Variants in ECPAS observed in about 807,000 individuals in gnomAD.
ECPAS encodes the protein proteasome adapter and scaffold protein ECM29.
A neutral mutation model predicts 255.1 loss-of-function variants in ECPAS; 70 were observed. That is an observed-to-expected ratio of 0.27 (90% CI 0.23 to 0.33). ECPAS has a LOEUF of 0.33. Ranked by LOEUF, ECPAS falls within the 10% of genes least tolerant of loss-of-function variation. ECPAS has a pLI of 1.00. For synonymous variants in ECPAS, 784 were observed against 775.0 expected (o/e 1.01, Z -0.19); for missense variants, 1,817 against 2,206.4 (o/e 0.82, Z 3.54).
intron 18 of ECPAS, 54 bp from the exon 19 acceptor site, chr9:111,414,705 G>C (rs2098200447): frequency 1.4e-6 from 2 of 1,451,892 alleles, no homozygotes; most frequent in East Asian, 4.6e-5. Context: ...AGTCAGTGTG[G>C]GAAGGTACTC....
rs370985027 is a variant in ECPAS at position 111,461,940 on chromosome 9, C to T, written c.23-10385G>A. On this transcript the variant is annotated intron_variant, in intron 2 of 49. Coordinates refer to ENST00000684092, the MANE Select transcript of ECPAS (RefSeq NM_001364929.1). ...ACCATCAGATCTCCTAAGACCCACT[C>T]GCTATCACGAGAACAGCATGGGAAA... Among the ~76,000 whole-genome samples the T allele has an allele frequency of 1.8e-3, 279 of 152,272 alleles. 14 individuals carry two copies. In the South Asian group the frequency reaches 0.056, roughly 31 times the overall value.
chr9:111,468,067 T>C (rs929844930), intron 2 of ECPAS, among the ~76,000 whole-genome samples: 10 of 152,122 alleles, frequency 6.6e-5, no homozygotes, highest in Admixed American at 6.5e-4. Flanking sequence ...ACAGAACTGC[T>C]TGAACCCAGG....
At chr9:111,402,292 T>C (rs1174074733) in intron 24 of ECPAS, among the ~76,000 whole-genome samples, 1 of 152,194 alleles carries the variant, frequency 6.6e-6, no homozygotes, top group African/African-American at 2.4e-5. Flanking sequence ...AAGACTTTCC[T>C]GGGTAAACAA....
chr9:111,393,307 T>C (rs1486427922), intron 27 of ECPAS, among the ~76,000 whole-genome samples: 1 of 152,180 alleles, frequency 6.6e-6, no homozygotes, highest in Non-Finnish European at 1.5e-5. Context: ...TACTGAAAGA[T>C]TTAACACATA....
chr9:111,476,225 C>G (rs1266495246), intron 1 of ECPAS, among the ~76,000 whole-genome samples: 1 of 152,186 alleles, frequency 6.6e-6, no homozygotes, highest in Non-Finnish European at 1.5e-5. Context: ...AATTATAAAG[C>G]CCAGAATACG....
intron 34 of ECPAS, among the ~76,000 whole-genome samples, chr9:111,383,903 C>T (rs1194185413): frequency 6.6e-6 from 1 of 151,890 alleles, no homozygotes; most frequent in African/African-American, 2.4e-5. Context: ...GCCTGGGTGA[C>T]AGAGTAAGAC....
intron 4 of ECPAS, among the ~76,000 whole-genome samples, chr9:111,443,007 G>A (rs2098247975): frequency 1.3e-5 from 2 of 152,174 alleles, no homozygotes; most frequent in African/African-American, 4.8e-5. Flanking sequence ...GAAACTTTAT[G>A]AGTGCCAACA....
At chr9:111,434,896 C>CA (rs2098235579) in intron 7 of ECPAS, among the ~76,000 whole-genome samples, 1 of 92,182 alleles carries the variant, frequency 1.1e-5, no homozygotes, top group Non-Finnish European at 2.0e-5. Context: ...CCACATCTGG[C>CA]TTTTTTTTTT....
chr9:111,366,062 T>C (rs929260457), intron 48 of ECPAS, 177 bp downstream of exon 48: 5 of 552,822 alleles, frequency 9.0e-6, no homozygotes, highest in African/African-American at 5.7e-5. Context: ...TAAAATCCTG[T>C]TATAGTTCCA....
intron 1 of ECPAS, among the ~76,000 whole-genome samples, chr9:111,475,550 C>T (rs1015777173): frequency 7.2e-5 from 11 of 152,160 alleles, no homozygotes; most frequent in Non-Finnish European, 1.2e-4. Context: ...GCCTGGCCAA[C>T]ATTGTGAAAC....
At chr9:111,413,452 T>G (rs548852981) in intron 20 of ECPAS, among the ~76,000 whole-genome samples, 5 of 152,190 alleles carry the variant, frequency 3.3e-5, no homozygotes, top group Non-Finnish European at 7.3e-5. Flanking sequence ...CATGTTTTTA[T>G]GTGTATGTAC....
rs192215760 is a variant in ECPAS, at chr9:111,430,218, C to A, written c.930+329G>T. Among the ~76,000 whole-genome samples, 5 of 152,262 alleles carry A rather than the reference C, an allele frequency of 3.3e-5. 1 individual carries two copies. The East Asian group carries it at 9.6e-4, about 29-fold the overall frequency. ...ACCATGCTCATTCGGTTATGTATTGCCTATAGTTGCTTTCATGTTACAAGA... is the reference window on the plus strand; with the variant it reads ...ACCATGCTCATTCGGTTATGTATTGACTATAGTTGCTTTCATGTTACAAGA... On this transcript the variant is annotated intron_variant, in intron 9 of 49. Coordinates refer to ENST00000684092, the MANE Select transcript of ECPAS (RefSeq NM_001364929.1).
At chr9:111,467,201 A>G (rs2098280636) in intron 2 of ECPAS, among the ~76,000 whole-genome samples, 1 of 152,196 alleles carries the variant, frequency 6.6e-6, no homozygotes, top group African/African-American at 2.4e-5. Flanking sequence ...AAAAAAGAGA[A>G]GAGAAAAAAG....
intron 28 of ECPAS, 90 bp downstream of exon 28, chr9:111,392,678 A>C (rs1310564278): frequency 3.5e-6 from 3 of 863,954 alleles, no homozygotes; most frequent in Non-Finnish European, 5.3e-6. Flanking sequence ...CAAAACATGG[A>C]AAGCCGAATC....
chr9:111,386,483 A>C (rs2098148755), intron 31 of ECPAS, 27 bp from the exon 32 acceptor site: 1 of 1,318,690 alleles, frequency 7.6e-7, no homozygotes, highest in African/African-American at 1.5e-5. Context: ...GATAAAATTT[A>C]AAATGCAAAA....
At chr9:111,434,917 T>TTTTTC (rs1554794299) in intron 7 of ECPAS, among the ~76,000 whole-genome samples, 8 of 141,722 alleles carry the variant, frequency 5.6e-5, no homozygotes, top group South Asian at 2.3e-4. Flanking sequence ...TTTTTTTTTT[T>TTTTTC]ACACAGAGTC....
At chr9:111,447,145 G>A (rs1389918178) in intron 3 of ECPAS, among the ~76,000 whole-genome samples, 1 of 149,914 alleles carries the variant, frequency 6.7e-6, no homozygotes, top group Non-Finnish European at 1.5e-5. Flanking sequence ...TTTTTTCCGA[G>A]ACAGGGTCTC....
At chr9:111,403,355 C>T (rs1225970784) in intron 24 of ECPAS, among the ~76,000 whole-genome samples, 10 of 146,690 alleles carry the variant, frequency 6.8e-5, no homozygotes, top group Admixed American at 2.0e-4. Context: ...ACTCCATCTC[C>T]GAAAGAAAAA....
At chr9:111,400,885 T>C (rs1270172545) in intron 24 of ECPAS, among the ~76,000 whole-genome samples, 3 of 151,990 alleles carry the variant, frequency 2.0e-5, no homozygotes, top group African/African-American at 7.2e-5. Context: ...TTTCAGAACC[T>C]AGAAAAAGAT....
Sources: gnomAD v4.1 joint callset for allele counts (sites outside exome capture counted in the v4.1 genomes callset) on GRCh38, gnomAD v4.1.1 for gene constraint, MANE v1.5 for transcripts, NCBI Gene and HGNC (gene_info 2026-07-23, HGNC 2026-07-21) for gene names.